The following RYR3 variants were observed in gnomAD, a reference collection of about 807,000 sequenced individuals.
RYR3 encodes the protein ryanodine receptor 3, also known as brain ryanodine receptor-calcium release channel.
In RYR3, 207 loss-of-function variants were observed where a neutral mutation model predicts 584.3. The ratio of observed to expected loss-of-function variants is 0.35; its 90% confidence interval spans 0.32 to 0.40. The LOEUF (loss-of-function observed/expected upper bound fraction) is 0.40. Ranked by LOEUF, RYR3 falls within the 10% of genes least tolerant of loss-of-function variation. The probability of loss-of-function intolerance (pLI) is 1.00; values close to 1 mark genes in which losing one functional copy is unlikely to be tolerated. For synonymous variants in RYR3, 2,416 were observed against 2,248.5 expected (o/e 1.07, Z -2.11); for missense variants, 5,616 against 6,089.2 (o/e 0.92, Z 2.59).
chr15:33,535,322 T>G (rs2055234493), intron 5 of RYR3, among the ~76,000 whole-genome samples: 1 of 152,232 alleles, frequency 6.6e-6, no homozygotes, highest in South Asian at 2.1e-4. Flanking sequence ...GTCCTGAGAG[T>G]GCCTGAGGGA....
intron 10 of RYR3, among the ~76,000 whole-genome samples, chr15:33,561,622 A>G (rs2057403067): frequency 6.6e-6 from 1 of 152,150 alleles, no homozygotes; most frequent in Non-Finnish European, 1.5e-5. Context: ...ACTATTAAGA[A>G]TGAGAAGAAT....
intron 9 of RYR3, among the ~76,000 whole-genome samples, chr15:33,549,243 T>A (rs2056488422): frequency 6.6e-6 from 1 of 152,210 alleles, no homozygotes; most frequent in African/African-American, 2.4e-5. Flanking sequence ...CTTAATGGAC[T>A]TTTTAAGAGG....
At position 33,346,860 on chromosome 15, in the gene RYR3, T is replaced by C. The variant is rs141498963; in HGVS notation, c.51+35764T>C. Among the ~76,000 whole-genome samples, 779 of 152,244 alleles carry C rather than the reference T, an allele frequency of 5.1e-3. 6 individuals are homozygous for C. The highest frequency in any genetic ancestry group is 0.018 in the African/African-American group (744 of 41,548). ...GCTTTATTTTAGATTAAAATAAAAA[T>C]TGAAGGCTTAGGTGGGAGGGTTGCT... On this transcript the variant is annotated intron_variant, in intron 1 of 103. Transcript: ENST00000634891.
intron 1 of RYR3, among the ~76,000 whole-genome samples, chr15:33,385,530 C>T (rs2596209): frequency 0.51 from 77,305 of 151,724 alleles, 20,285 homozygotes; most frequent in East Asian, 0.6. Context: ...TATTGTCCTA[C>T]GTTAAAAACA....
rs781224576 is a variant in RYR3, at chr15:33,669,378, C to T, written c.5644C>T (p.Leu1882=). The T allele has an allele frequency of 1.2e-6, 2 of 1,613,968 alleles. No individual in the cohort carries two copies. The change falls in exon 37 of 104, where the codon CTG becomes TTG. Residue 1882 remains leucine, a synonymous_variant. Coordinates refer to ENST00000634891, the MANE Select transcript of RYR3 (RefSeq NM_001036.6). Reference sequence around the variant, plus strand: ...GATCAACATGCTGCTTAACTTTCAACTGGGAGAGAACTGCCCCTGCCCAGA... The same window carrying T: ...GATCAACATGCTGCTTAACTTTCAATTGGGAGAGAACTGCCCCTGCCCAGA... The part of the protein sequence containing the change: ...EQINMLLNFQ[L]GENCPCPEEI...
chr15:33,773,674 T>C lies in RYR3; in HGVS notation c.9137+59T>C. 3.8e-6 allele frequency: 4 copies of C among 1,059,322 alleles called. No individual in the cohort carries two copies. In the South Asian group the frequency reaches 5.4e-5, roughly 14 times the overall value. 65.6% of individuals were successfully genotyped at this position (1,059,322 alleles called of 1,614,324 possible). A position where few individuals can be genotyped will look rare whatever the true frequency, so the allele number is the denominator to read the frequency against. On this transcript the variant is annotated intron_variant, in intron 64 of 103. Transcript: ENST00000634891. ...GCATAGTAAAATGTTACTTACAGCC[T>C]TTTACACACTTAATGATATCATTTC...
intron 2 of RYR3, among the ~76,000 whole-genome samples, chr15:33,503,084 A>T (rs2052144086): frequency 1.3e-5 from 2 of 152,236 alleles, no homozygotes; most frequent in African/African-American, 4.8e-5. Flanking sequence ...TATAGGGATC[A>T]TCAATTCTTA....
chr15:33,321,358 G>C (rs1968938228), intron 1 of RYR3, among the ~76,000 whole-genome samples: 1 of 152,190 alleles, frequency 6.6e-6, no homozygotes, highest in South Asian at 2.1e-4. Flanking sequence ...TCTCCCCTGA[G>C]AGGTCCTGCT....
At chr15:33,613,110 G>A (rs747342706) in intron 18 of RYR3, 73 bp from the exon 19 acceptor site, 221 of 1,149,762 alleles carry the variant, frequency 1.9e-4, no homozygotes, top group Middle Eastern at 9.4e-4. Flanking sequence ...TCCCGCAGAG[G>A]CCTCTGAGCC....
chr15:33,435,823 A>T (rs188694220), intron 1 of RYR3, among the ~76,000 whole-genome samples: 296 of 152,300 alleles, frequency 1.9e-3, no homozygotes, highest in African/African-American at 6.9e-3. Flanking sequence ...AGCAAGATTT[A>T]TTATGAAGAG....
intron 34 of RYR3, among the ~76,000 whole-genome samples, chr15:33,661,516 T>C (rs534136950): frequency 1.0e-3 from 159 of 152,244 alleles, no homozygotes; most frequent in South Asian, 2.3e-3. Flanking sequence ...ACTGGTTTCA[T>C]GGAAGACAGT....
chr15:33,594,224 A>C (rs1283227366), intron 16 of RYR3, among the ~76,000 whole-genome samples: 4 of 152,242 alleles, frequency 2.6e-5, no homozygotes, highest in African/African-American at 9.6e-5. Flanking sequence ...AAAGGAAAGC[A>C]CACCATTCCA....
chr15:33,641,996 AT>A (rs60287869), intron 27 of RYR3, among the ~76,000 whole-genome samples: 31,737 of 152,010 alleles, frequency 0.21, 3,574 homozygotes, highest in Admixed American at 0.27. Context: ...ATCTCATCCC[AT>A]TTTTGTCACT....
intron 57 of RYR3, among the ~76,000 whole-genome samples, chr15:33,751,655 A>G (rs2071325282): frequency 6.6e-6 from 1 of 151,832 alleles, no homozygotes; most frequent in Non-Finnish European, 1.5e-5. Flanking sequence ...GATAGATTGC[A>G]GAAATTTTCT....
chr15:33,766,817 C>T (rs1218040576), intron 60 of RYR3, among the ~76,000 whole-genome samples: 1 of 152,204 alleles, frequency 6.6e-6, no homozygotes, highest in East Asian at 1.9e-4. Context: ...TCAGACTCTC[C>T]CTGAGATTCC....
At chr15:33,469,833 C>T (rs949995899) in intron 1 of RYR3, among the ~76,000 whole-genome samples, 5 of 152,146 alleles carry the variant, frequency 3.3e-5, no homozygotes, top group Non-Finnish European at 7.3e-5. Flanking sequence ...AATCGTTGAG[C>T]AGTCCCTTAT....
chr15:33,339,123 GGACATTTTTCCAGTA>G (rs1971494650), intron 1 of RYR3, among the ~76,000 whole-genome samples: 2 of 152,304 alleles, frequency 1.3e-5, no homozygotes, highest in African/African-American at 4.8e-5. Context: ...AGGAAAAAGC[GGACATTTTTCCAGTA>G]GACATTAGGA....
chr15:33,548,621 A>G (rs2141225468), intron 9 of RYR3, among the ~76,000 whole-genome samples: 1 of 152,336 alleles, frequency 6.6e-6, no homozygotes, highest in South Asian at 2.1e-4. Context: ...GCATAAGATA[A>G]GGAAGATGTA....
chr15:33,597,616 C>T (rs1480885160), intron 16 of RYR3, among the ~76,000 whole-genome samples: 13 of 68,776 alleles, frequency 1.9e-4, no homozygotes, highest in African/African-American at 7.2e-4. Flanking sequence ...GAGACTCTGT[C>T]TCAAAAAAAA....
Sources: gnomAD v4.1 joint callset for allele counts (sites outside exome capture counted in the v4.1 genomes callset) on GRCh38, gnomAD v4.1.1 for gene constraint, MANE v1.5 for transcripts, NCBI Gene and HGNC (gene_info 2026-07-23, HGNC 2026-07-21) for gene names.